The following HTR1F variants were observed in gnomAD, a reference collection of about 807,000 sequenced individuals.
HTR1F encodes 5-hydroxytryptamine receptor 1F.
In HTR1F, 17 loss-of-function variants were observed where a neutral mutation model predicts 24.0. The ratio of observed to expected loss-of-function variants is 0.71; its 90% confidence interval spans 0.48 to 1.06. The LOEUF (loss-of-function observed/expected upper bound fraction) is 1.06. Ranked by LOEUF, HTR1F falls within the 50% of genes least tolerant of loss-of-function variation. The pLI, the probability that HTR1F is intolerant of heterozygous loss-of-function variation, is 0.00. For missense variants in HTR1F, 391 were observed against 427.8 expected (o/e 0.91, Z 0.76); for synonymous variants, 186 against 156.8 (o/e 1.19, Z -1.39).
chr3:87,964,298 A>G (rs2938278), intron 2 of HTR1F, among the ~76,000 whole-genome samples: 9,299 of 152,248 alleles, frequency 0.061, 877 homozygotes, highest in African/African-American at 0.2. Flanking sequence ...AATCACTCCT[A>G]CAGCTCTGAT....
intron 2 of HTR1F, among the ~76,000 whole-genome samples, chr3:87,941,067 T>C (rs1258096592): frequency 3.3e-5 from 5 of 152,192 alleles, no homozygotes; most frequent in Non-Finnish European, 7.3e-5. Flanking sequence ...CTAGAGGTAT[T>C]CCTGCTTTTT....
At chr3:87,881,787 G>C (rs1445073308) in intron 2 of HTR1F, among the ~76,000 whole-genome samples, 1 of 152,106 alleles carries the variant, frequency 6.6e-6, no homozygotes, top group East Asian at 1.9e-4. Context: ...TACCATTCAG[G>C]ACATAGGCAT....
chr3:87,920,513 TA>T (rs1340383367), intron 2 of HTR1F, among the ~76,000 whole-genome samples: 1 of 151,952 alleles, frequency 6.6e-6, no homozygotes, highest in Non-Finnish European at 1.5e-5. Context: ...CTATATTTTT[TA>T]AAAAAGAAAT....
intron 2 of HTR1F, among the ~76,000 whole-genome samples, chr3:87,915,005 G>T (rs1420671028): frequency 1.3e-5 from 2 of 152,102 alleles, no homozygotes; most frequent in African/African-American, 4.8e-5. Context: ...CCCAAGGATG[G>T]TTCACATCAC....
chr3:87,962,799 A>G (rs1705089265), intron 2 of HTR1F, among the ~76,000 whole-genome samples: 1 of 152,016 alleles, frequency 6.6e-6, no homozygotes, highest in Non-Finnish European at 1.5e-5. Flanking sequence ...CCTTGCTTGG[A>G]AAGAACATTT....
At chr3:87,871,512 A>G (rs1399848077) in intron 2 of HTR1F, among the ~76,000 whole-genome samples, 1 of 152,242 alleles carries the variant, frequency 6.6e-6, no homozygotes, top group East Asian at 1.9e-4. Flanking sequence ...AATATCTGAC[A>G]TCTTTCCAAA....
At chr3:87,821,414 C>G (rs1247433540) in intron 1 of HTR1F, among the ~76,000 whole-genome samples, 1 of 152,150 alleles carries the variant, frequency 6.6e-6, no homozygotes. Flanking sequence ...TACATCCAGT[C>G]TTCACCTTAT....
At chr3:87,832,942 C>T (rs953498504) in intron 2 of HTR1F, among the ~76,000 whole-genome samples, 9 of 152,148 alleles carry the variant, frequency 5.9e-5, no homozygotes, top group Non-Finnish European at 1.3e-4. Context: ...CTTTTGTATT[C>T]AGACTGGTGT....
At chr3:87,824,385 G>A (rs1275917211) in intron 2 of HTR1F, among the ~76,000 whole-genome samples, 2 of 152,014 alleles carry the variant, frequency 1.3e-5, no homozygotes, top group East Asian at 3.9e-4. Context: ...TTGGATCCCT[G>A]GCCAGTATTT....
intron 2 of HTR1F, among the ~76,000 whole-genome samples, chr3:87,947,687 T>A (rs1280815160): frequency 6.6e-6 from 1 of 152,148 alleles, no homozygotes; most frequent in Non-Finnish European, 1.5e-5. Context: ...AATAATAACA[T>A]CCACTGTGGA....
intron 2 of HTR1F, among the ~76,000 whole-genome samples, chr3:87,969,940 G>T (rs1705251425): frequency 6.6e-6 from 1 of 152,220 alleles, no homozygotes; most frequent in African/African-American, 2.4e-5. Flanking sequence ...GTTTTATAAA[G>T]GGGAGTTCCC....
At chr3:87,981,699 A>T (rs1173076804) in intron 2 of HTR1F, among the ~76,000 whole-genome samples, 1 of 152,170 alleles carries the variant, frequency 6.6e-6, no homozygotes, top group African/African-American at 2.4e-5. Flanking sequence ...AGTACAACCT[A>T]CTGAGTCTGT....
intron 2 of HTR1F, among the ~76,000 whole-genome samples, chr3:87,934,854 A>G (rs1704373168): frequency 6.6e-6 from 1 of 152,148 alleles, no homozygotes; most frequent in South Asian, 2.1e-4. Flanking sequence ...TTTAAAGCTT[A>G]TACTCTTAAC....
At chr3:87,811,410 C>T (rs1263099755) in intron 1 of HTR1F, among the ~76,000 whole-genome samples, 5 of 151,784 alleles carry the variant, frequency 3.3e-5, no homozygotes, top group Admixed American at 1.3e-4. Context: ...GGGAAAAAGT[C>T]GAAATTAATG....
chr3:87,888,873 A>G (rs1706016656), intron 2 of HTR1F, among the ~76,000 whole-genome samples: 1 of 152,148 alleles, frequency 6.6e-6, no homozygotes, highest in South Asian at 2.1e-4. Context: ...TAATTACTCT[A>G]TTTTAGGAAG....
At chr3:87,929,452 C>A (rs1704206792) in intron 2 of HTR1F, among the ~76,000 whole-genome samples, 1 of 152,156 alleles carries the variant, frequency 6.6e-6, no homozygotes, top group Non-Finnish European at 1.5e-5. Context: ...GAACAATTCA[C>A]TTAACTTCTC....
At chr3:87,913,346 C>A (rs532703846) in intron 2 of HTR1F, among the ~76,000 whole-genome samples, 1 of 152,294 alleles carries the variant, frequency 6.6e-6, no homozygotes, top group South Asian at 2.1e-4. Context: ...AGCTCAACAT[C>A]ACTGGTCATT....
chr3:87,869,045 G>A (rs889647129), intron 2 of HTR1F, among the ~76,000 whole-genome samples: 2 of 151,858 alleles, frequency 1.3e-5, no homozygotes, highest in African/African-American at 4.8e-5. Context: ...GTTCATATAT[G>A]TATAAATAAT....
intron 2 of HTR1F, among the ~76,000 whole-genome samples, chr3:87,931,463 G>C (rs1704270156): frequency 6.6e-6 from 1 of 152,086 alleles, no homozygotes; most frequent in Non-Finnish European, 1.5e-5. Flanking sequence ...GGACATTTGG[G>C]TTGGTTCCAA....
Sources: gnomAD v4.1 joint callset for allele counts (sites outside exome capture counted in the v4.1 genomes callset) on GRCh38, gnomAD v4.1.1 for gene constraint, MANE v1.5 for transcripts, NCBI Gene and HGNC (gene_info 2026-07-23, HGNC 2026-07-21) for gene names.